Variants in B9D1 observed in about 807,000 individuals in gnomAD.
The protein encoded by B9D1 is B9 domain-containing protein 1.
B9D1 carries 20 observed loss-of-function variants against 26.1 expected under a neutral mutation model. The ratio of observed to expected loss-of-function variants is 0.77; its 90% CI spans 0.54 to 1.12. The LOEUF is 1.12. B9D1 is among the 50% of genes most tolerant of loss of function. B9D1 has a pLI of 0.00. For missense variants in B9D1, 260 were observed against 273.7 expected, an observed-to-expected ratio of 0.95 and a Z score of 0.35; for synonymous variants, 105 against 103.1, an observed-to-expected ratio of 1.02 and a Z score of -0.11.
At chr17:19,335,371 A>C (rs1398157392), downstream of B9D1, 1 of 1,545,726 alleles carries the variant, frequency 6.5e-7, no homozygotes, top group Admixed American at 2.0e-5. Flanking sequence ...TGACTCACCA[A>C]TTTTTATCAA....
downstream of B9D1, among the ~76,000 whole-genome samples, chr17:19,340,758 C>T (rs1389193338): frequency 6.9e-6 from 1 of 144,620 alleles, no homozygotes; most frequent in Admixed American, 7.0e-5. Context: ...CACTGCATTC[C>T]AGCCTGGGCG....
At chr17:19,365,600 C>A (rs1181362332), upstream of B9D1, among the ~76,000 whole-genome samples, 3 of 152,200 alleles carry the variant, frequency 2.0e-5, no homozygotes, top group Non-Finnish European at 4.4e-5. This position sits in a 1 kb window ranked among gnomAD's most constrained non-coding sequence, Gnocchi z 5.0. Flanking sequence ...CAGAGCTCAG[C>A]TCCGGGTCCC....
At chr17:19,351,556 G>GT (rs1404992655) in intron 3 of B9D1, among the ~76,000 whole-genome samples, 2 of 152,064 alleles carry the variant, frequency 1.3e-5, no homozygotes, top group Non-Finnish European at 2.9e-5. Flanking sequence ...TAAATCTGTC[G>GT]TTACTTCCTC....
chr17:19,372,454 A>C lies in B9D1; in HGVS notation c.-298+5405T>G, dbSNP rs1315220732. The stretch of plus-strand genomic sequence containing the variant: ...TTCTCGTGGCCCTGAGATGTGCCAC[A>C]CTCTCACCCGCATCAGCTCTGTGTC... On this transcript the variant is annotated intron_variant, in intron 1 of 5. Coordinates refer to the B9D1 transcript ENST00000477478. This position sits in a 1 kb window ranked among gnomAD's most constrained non-coding sequence, Gnocchi z 4.4. 6.6e-6 allele frequency among the ~76,000 whole-genome samples: 1 copy of C among 151,584 alleles called. No homozygotes were observed. Among genetic ancestry groups the C allele is most frequent in the East Asian group, 1.9e-4 (1 of 5,140 alleles).
intron 3 of B9D1, among the ~76,000 whole-genome samples, chr17:19,353,576 T>G (rs1384044933): frequency 6.6e-6 from 1 of 151,254 alleles, no homozygotes; most frequent in Non-Finnish European, 1.5e-5. Flanking sequence ...GGAGGCAGGT[T>G]TGCAGTGAGC....
downstream of B9D1, among the ~76,000 whole-genome samples, chr17:19,340,043 C>A (rs990317139): frequency 8.7e-4 from 130 of 149,342 alleles, 4 homozygotes; most frequent in African/African-American, 2.7e-3. Context: ...ACCCCCCCCC[C>A]CCCCCGGCTT....
At chr17:19,337,678 C>CA (rs1907560652), downstream of B9D1, 1 of 1,522,192 alleles carries the variant, frequency 6.6e-7, no homozygotes, top group Non-Finnish European at 8.8e-7. Flanking sequence ...TCACAGAAGT[C>CA]AGTGACTCAG....
downstream of B9D1, chr17:19,337,768 C>G (rs541697723): frequency 5.3e-5 from 81 of 1,514,948 alleles, no homozygotes; most frequent in South Asian, 9.4e-4. Flanking sequence ...GAAAAATGGA[C>G]AAGGGTCAAG....
upstream of B9D1, among the ~76,000 whole-genome samples, chr17:19,364,885 A>G (rs1200356463): frequency 2.0e-5 from 3 of 152,258 alleles, no homozygotes; most frequent in African/African-American, 7.2e-5. This position sits in a 1 kb window ranked among gnomAD's most constrained non-coding sequence, Gnocchi z 4.3. Context: ...TGAGGCTGGA[A>G]GCTGGCTTGA....
chr17:19,374,923 G>GA (rs773434235), intron 1 of B9D1, among the ~76,000 whole-genome samples: 1 of 152,198 alleles, frequency 6.6e-6, no homozygotes, highest in Non-Finnish European at 1.5e-5. Flanking sequence ...TAAATCATCT[G>GA]ATAAGGGACT....
chr17:19,336,089 G>C (rs1334885888), downstream of B9D1: 3 of 152,274 alleles, frequency 2.0e-5, no homozygotes, highest in Admixed American at 6.5e-5. Context: ...TCTGAGTGGG[G>C]ACTGCACCCA....
In B9D1 at chr17:19,362,593, G is replaced by C; in HGVS notation, c.-24C>G. 2 of 1,583,744 alleles carry C rather than the reference G, an allele frequency of 1.3e-6. No homozygotes were observed. Reference sequence around the variant, plus strand: ...ATGGCAGGTCTGGGGGTGCCGGGGGGACCCACCTAGGCCGCGCGCGGTTGC... The same window carrying C: ...ATGGCAGGTCTGGGGGTGCCGGGGGCACCCACCTAGGCCGCGCGCGGTTGC... On this transcript the variant is annotated 5_prime_UTR_variant, in exon 1 of 7. Coordinates refer to ENST00000261499, the MANE Select transcript of B9D1 (RefSeq NM_015681.6).
At chr17:19,366,633 T>C (rs1328215146), upstream of B9D1, among the ~76,000 whole-genome samples, 1 of 152,008 alleles carries the variant, frequency 6.6e-6, no homozygotes. Context: ...CAAATCAGGG[T>C]CCCTGTGACT....
At chr17:19,364,029 C>A (rs1470871628), upstream of B9D1, among the ~76,000 whole-genome samples, 1 of 152,214 alleles carries the variant, frequency 6.6e-6, no homozygotes, top group East Asian at 1.9e-4. This position sits in a 1 kb window ranked among gnomAD's most constrained non-coding sequence, Gnocchi z 4.3. Context: ...CATCTCTTTC[C>A]AGTTAAAGTG....
rs779138882 is a variant in B9D1 at position 19,347,293 on chromosome 17, G to A, written c.380C>T (p.Thr127Met). Residue 127 changes from threonine to methionine, a missense_variant, in exon 5 of 7, where the codon ACG becomes ATG. Coordinates refer to ENST00000261499, the MANE Select transcript of B9D1 (RefSeq NM_015681.6). This position sits in a 1 kb window ranked among gnomAD's most constrained non-coding sequence, Gnocchi z 4.3. ...CCTTGTAAACTTCTGCAGTTTAGAC[G>A]TAGATTCTGGGACAAACATGGGGAT... ...RTIPMFVPES[T>M]SKLQKFTSWF... 15 of 1,614,130 alleles carry A rather than the reference G, an allele frequency of 9.3e-6. No homozygotes were observed. In the Admixed American group the frequency reaches 1.3e-4, roughly 14 times the overall value.
upstream of B9D1, among the ~76,000 whole-genome samples, chr17:19,367,243 A>G (rs755740250): frequency 4.0e-5 from 6 of 151,862 alleles, no homozygotes; most frequent in Admixed American, 3.3e-4. Flanking sequence ...GCACCTGCAC[A>G]TGACGTTCTC....
At chr17:19,365,144 G>A (rs1233227790), upstream of B9D1, among the ~76,000 whole-genome samples, 3 of 152,276 alleles carry the variant, frequency 2.0e-5, no homozygotes, top group Non-Finnish European at 2.9e-5. The surrounding 1 kb of genome is among the most constrained non-coding windows in gnomAD (Gnocchi z 5.0). Context: ...CCTGCACAGC[G>A]CTGGTGAGCG....
intron 3 of B9D1, among the ~76,000 whole-genome samples, chr17:19,355,690 C>T (rs1441032334): frequency 5.3e-5 from 8 of 151,884 alleles, no homozygotes; most frequent in African/African-American, 1.2e-4. Context: ...AAAAATTAGC[C>T]GGGCACGGTG....
upstream of B9D1, among the ~76,000 whole-genome samples, chr17:19,364,272 A>G (rs889995005): frequency 6.6e-6 from 1 of 152,158 alleles, no homozygotes; most frequent in African/African-American, 2.4e-5. This position sits in a 1 kb window ranked among gnomAD's most constrained non-coding sequence, Gnocchi z 4.3. Context: ...TCAGGGGTAC[A>G]AATAAGCCCG....
Sources: allele counts gnomAD v4.1 joint callset (sites outside exome capture counted in the v4.1 genomes callset), GRCh38; gene constraint gnomAD v4.1.1; non-coding constraint Gnocchi (gnomAD v3.1); transcripts MANE v1.5; gene names NCBI Gene and HGNC (gene_info 2026-07-23, HGNC 2026-07-21).